Variants in MGA observed in about 807,000 individuals in gnomAD.
The protein encoded by MGA is MAX dimerization protein MGA.
In MGA, 40 loss-of-function variants were observed where a neutral mutation model predicts 261.1. The observed-to-expected ratio is 0.15, with a 90% CI of 0.12 to 0.20. The LOEUF is 0.20. Among genes scored for constraint, MGA ranks in the 10% least tolerant of loss-of-function variants. MGA has a pLI of 1.00. For missense variants in MGA, 3,397 were observed against 3,630.5 expected (o/e 0.94, Z 1.65); for synonymous variants, 1,302 against 1,290.6 (o/e 1.01, Z -0.19).
At chr15:41,755,028 G>A (rs2063064706) in intron 18 of MGA, among the ~76,000 whole-genome samples, 1 of 152,098 alleles carries the variant, frequency 6.6e-6, no homozygotes, top group South Asian at 2.1e-4. Flanking sequence ...TCTAAATTTG[G>A]TTACTTTACT....
chr15:41,699,022 G>T, intron 4 of MGA, 42 bp from the exon 5 acceptor site: 1 of 1,569,202 alleles, frequency 6.4e-7, no homozygotes, highest in Non-Finnish European at 8.7e-7. Context: ...TTTGTCTGTA[G>T]TGTACAGTAG....
chr15:41,724,710 T>C (rs1256041526), intron 9 of MGA, among the ~76,000 whole-genome samples: 1 of 151,966 alleles, frequency 6.6e-6, no homozygotes, highest in Non-Finnish European at 1.5e-5. Flanking sequence ...ACCAGAAACA[T>C]TGGTGAATTA....
In MGA at chr15:41,766,606, G is replaced by A. The variant is rs373954202; in HGVS notation, c.8524G>A (p.Val2842Ile). Residue 2842 changes from valine (V) to isoleucine (I), a missense_variant, in exon 24 of 24, where the codon GTT becomes ATT. Physicochemically the swap from Val to Ile is conservative, Grantham distance 29. Coordinates refer to ENST00000219905, the MANE Select transcript of MGA (RefSeq NM_001164273.2). ...TAATCAACAACTAAATGATGACTCT[G>A]TTGGCCTGGCTGAACTACCCAGCTC... The A allele has an allele frequency of 2.7e-5, 44 of 1,613,902 alleles. No individual in the cohort carries two copies. Among genetic ancestry groups the A allele is most frequent in the Non-Finnish European group, 3.7e-5 (44 of 1,179,904 alleles).
At chr15:41,662,349 G>C (rs544499919) in intron 1 of MGA, among the ~76,000 whole-genome samples, 1 of 152,210 alleles carries the variant, frequency 6.6e-6, no homozygotes, top group Admixed American at 6.5e-5. Flanking sequence ...TCCATTCTTA[G>C]GAATAAAAAA....
At chr15:41,706,201 C>T in intron 5 of MGA, among the ~76,000 whole-genome samples, 1 of 147,990 alleles carries the variant, frequency 6.8e-6, no homozygotes, top group East Asian at 2.0e-4. Context: ...TACACCATTG[C>T]ACTCTAGTCT....
rs753876260 is a variant in MGA, at chr15:41,669,087, T to A, written c.193T>A (p.Cys65Ser). The A allele has an allele frequency of 3.1e-6, 5 of 1,609,878 alleles. No individual in the cohort carries two copies. The highest frequency in any genetic ancestry group is 4.3e-6 in the Non-Finnish European group (5 of 1,176,284). The change falls in exon 2 of 24, where the codon TGC becomes AGC. Residue 65 changes from cysteine to serine, a missense_variant. Cys to Ser is a moderately radical substitution (Grantham distance 112). Transcript: ENST00000219905. ...ACCAGTAAAATCTAAAGGGAAGATT[T>A]GCCTTCCAGCTGATTGTACTGTGGG...
chr15:41,744,071 A>G (rs910960177), intron 15 of MGA, among the ~76,000 whole-genome samples: 1 of 152,094 alleles, frequency 6.6e-6, no homozygotes, highest in African/African-American at 2.4e-5. Flanking sequence ...TCTCTTAAAT[A>G]TTTTTGCATT....
At chr15:41,731,861 G>A (rs1183927215) in intron 11 of MGA, among the ~76,000 whole-genome samples, 1 of 152,054 alleles carries the variant, frequency 6.6e-6, no homozygotes, top group East Asian at 1.9e-4. Context: ...CACGAATAAG[G>A]GTTTCTTGTC....
At chr15:41,754,093 A>AT (rs1042630987) in intron 17 of MGA, among the ~76,000 whole-genome samples, 10 of 151,760 alleles carry the variant, frequency 6.6e-5, no homozygotes, top group African/African-American at 2.4e-4. Context: ...TAATTTTTGT[A>AT]TTTTTTGTAG....
intron 1 of MGA, among the ~76,000 whole-genome samples, chr15:41,624,072 A>G (rs1418865842): frequency 7.5e-6 from 1 of 132,716 alleles, no homozygotes; most frequent in Admixed American, 7.6e-5. Flanking sequence ...AGCAAATTAA[A>G]TTTTTTTTTT....
At chr15:41,764,855 A>G (rs1182826163) in intron 22 of MGA, 31 bp from the exon 23 acceptor site, 1 of 1,610,864 alleles carries the variant, frequency 6.2e-7, no homozygotes, top group Non-Finnish European at 8.5e-7. Flanking sequence ...AATGCCTTTT[A>G]TCTATAACTA....
At chr15:41,709,814 G>A (rs1357671339) in intron 7 of MGA, among the ~76,000 whole-genome samples, 2 of 137,476 alleles carry the variant, frequency 1.5e-5, no homozygotes, top group Admixed American at 7.3e-5. Flanking sequence ...CCTGTTATGT[G>A]TTTTTCTTTT....
At chr15:41,755,339 C>T (rs1368995641) in intron 18 of MGA, among the ~76,000 whole-genome samples, 1 of 152,178 alleles carries the variant, frequency 6.6e-6, no homozygotes, top group Non-Finnish European at 1.5e-5. Context: ...GAAAGTAGGA[C>T]TAATAGTTTT....
At chr15:41,681,208 C>T (rs2058652343) in intron 2 of MGA, among the ~76,000 whole-genome samples, 1 of 152,048 alleles carries the variant, frequency 6.6e-6, no homozygotes, top group South Asian at 2.1e-4. Flanking sequence ...ATTTTTCACC[C>T]CCTAGTTTTC....
chr15:41,738,199 G>A (rs2061893274), intron 13 of MGA, among the ~76,000 whole-genome samples: 1 of 151,756 alleles, frequency 6.6e-6, no homozygotes, highest in Admixed American at 6.6e-5. Context: ...AGGAGTTCAA[G>A]ACCAGCCTGA....
chr15:41,664,765 A>C (rs1448363547), intron 1 of MGA, among the ~76,000 whole-genome samples: 2 of 151,734 alleles, frequency 1.3e-5, no homozygotes, highest in Admixed American at 1.3e-4. Context: ...TTTTTTTGCC[A>C]GTTCTTTAAG....
intron 9 of MGA, among the ~76,000 whole-genome samples, chr15:41,724,159 C>T (rs1285908195): frequency 3.3e-5 from 5 of 152,158 alleles, no homozygotes; most frequent in South Asian, 2.1e-4. Context: ...ATAATTAATG[C>T]GTGTACAAAA....
chr15:41,670,628 C>G (rs1349033416), intron 2 of MGA, among the ~76,000 whole-genome samples: 1 of 152,192 alleles, frequency 6.6e-6, no homozygotes, highest in Non-Finnish European at 1.5e-5. Context: ...GCCTCAGCCT[C>G]CCAAGTAGCT....
intron 1 of MGA, among the ~76,000 whole-genome samples, chr15:41,629,105 CAA>C (rs71108108): frequency 2.2e-4 from 17 of 78,078 alleles, no homozygotes; most frequent in East Asian, 1.8e-3. Flanking sequence ...GACTTCGTCT[CAA>C]AAAAAAAAAA....
Sources: allele counts gnomAD v4.1 joint callset (sites outside exome capture counted in the v4.1 genomes callset), GRCh38; gene constraint gnomAD v4.1.1; transcripts MANE v1.5; gene names NCBI Gene and HGNC (gene_info 2026-07-23, HGNC 2026-07-21).